Variants in DLG2 observed in about 807,000 individuals in gnomAD.
DLG2 encodes the protein discs large MAGUK scaffold protein 2.
A neutral mutation model predicts 132.5 loss-of-function variants in DLG2; 45 were observed. The ratio of observed to expected loss-of-function variants is 0.34; its 90% CI spans 0.27 to 0.44. The LOEUF (loss-of-function observed/expected upper bound fraction) is 0.44, where lower values mean the gene tolerates loss of function less well. Among genes scored for constraint, DLG2 ranks in the 20% least tolerant of loss-of-function variants. The pLI is 1.00. For synonymous variants in DLG2, 424 were observed against 419.6 expected (o/e 1.01, Z -0.13); for missense variants, 1,045 against 1,196.9 (o/e 0.87, Z 1.87).
chr11:85,125,578 A>C (rs2074988877), intron 5 of DLG2, among the ~76,000 whole-genome samples: 1 of 152,152 alleles, frequency 6.6e-6, no homozygotes, highest in African/African-American at 2.4e-5. Flanking sequence ...TATTATCAAG[A>C]GTATATTTTA....
chr11:84,215,858 A>G (rs2096829296), intron 8 of DLG2, among the ~76,000 whole-genome samples: 1 of 152,224 alleles, frequency 6.6e-6, no homozygotes, highest in Non-Finnish European at 1.5e-5. Context: ...TCTTAGAATC[A>G]GCTTATAAAT....
chr11:84,246,298 C>A (rs1034046927), intron 8 of DLG2, among the ~76,000 whole-genome samples: 21 of 152,348 alleles, frequency 1.4e-4, no homozygotes, highest in African/African-American at 4.8e-4. Flanking sequence ...TCCATCTCTT[C>A]CAGGATGTGA....
chr11:83,930,281 A>C, intron 15 of DLG2, 47 bp downstream of exon 15: 1 of 1,603,400 alleles, frequency 6.2e-7, no homozygotes, highest in Non-Finnish European at 8.5e-7. Context: ...ATCCTTGTGG[A>C]AGCACATGCA....
intron 7 of DLG2, among the ~76,000 whole-genome samples, chr11:84,308,503 A>ATG (rs1158245014): frequency 6.6e-6 from 1 of 152,196 alleles, no homozygotes; most frequent in African/African-American, 2.4e-5. Context: ...TGGATCCCGC[A>ATG]CGGGGGCCAC....
chr11:84,768,973 A>G (rs185225937), intron 6 of DLG2, among the ~76,000 whole-genome samples: 48 of 152,284 alleles, frequency 3.2e-4, no homozygotes, highest in African/African-American at 1.1e-3. Flanking sequence ...GTAGGGAAAT[A>G]CAGAAAAAGA....
chr11:85,135,921 T>G (rs2076110943), intron 5 of DLG2, among the ~76,000 whole-genome samples: 1 of 152,084 alleles, frequency 6.6e-6, no homozygotes, highest in African/African-American at 2.4e-5. Flanking sequence ...AATAGAGGCA[T>G]TTAACCCAGA....
At chr11:84,839,574 T>G (rs1217036773) in intron 6 of DLG2, among the ~76,000 whole-genome samples, 1 of 152,050 alleles carries the variant, frequency 6.6e-6, no homozygotes, top group Non-Finnish European at 1.5e-5. Flanking sequence ...GGAGGCATCA[T>G]GCAACCTGAC....
intron 3 of DLG2, among the ~76,000 whole-genome samples, chr11:85,360,897 C>T (rs1007264547): frequency 6.6e-6 from 1 of 152,030 alleles, no homozygotes; most frequent in Non-Finnish European, 1.5e-5. Flanking sequence ...AGGTCACCAA[C>T]TTATAAATGA....
At chr11:84,273,327 AAAC>A in intron 7 of DLG2, 2 of 1,384,214 alleles carry the variant, frequency 1.4e-6, no homozygotes, top group South Asian at 1.7e-5. Flanking sequence ...AAAAAAAAAA[AAAC>A]CCTGCAGATC....
chr11:85,105,032 T>G (rs367875397), intron 6 of DLG2, among the ~76,000 whole-genome samples: 10 of 151,894 alleles, frequency 6.6e-5, no homozygotes, highest in African/African-American at 2.4e-4. Flanking sequence ...AGCATAAACT[T>G]TGATGACATC....
At chr11:85,345,994 T>G (rs1324015115) in intron 3 of DLG2, among the ~76,000 whole-genome samples, 1 of 151,890 alleles carries the variant, frequency 6.6e-6, no homozygotes, top group Non-Finnish European at 1.5e-5. Flanking sequence ...CAAGAAAGAA[T>G]TCAGGGCGAG....
At chr11:84,603,001 A>G (rs2099579324) in intron 6 of DLG2, among the ~76,000 whole-genome samples, 1 of 152,030 alleles carries the variant, frequency 6.6e-6, no homozygotes, top group African/African-American at 2.4e-5. Flanking sequence ...ATTTAGAATC[A>G]AAGTCCAGCT....
chr11:84,210,274 C>G (rs1265159652), intron 8 of DLG2, among the ~76,000 whole-genome samples: 1 of 151,180 alleles, frequency 6.6e-6, no homozygotes, highest in African/African-American at 2.4e-5. Flanking sequence ...CAGAGTGATA[C>G]TCTGTCTCCA....
intron 21 of DLG2, among the ~76,000 whole-genome samples, chr11:83,494,073 T>C (rs930590616): frequency 6.6e-6 from 1 of 152,028 alleles, no homozygotes; most frequent in Non-Finnish European, 1.5e-5. Flanking sequence ...AGAGACCTGA[T>C]CTTGCCTCAT....
chr11:84,479,367 C>G (rs2099130581), intron 7 of DLG2, among the ~76,000 whole-genome samples: 1 of 152,052 alleles, frequency 6.6e-6, no homozygotes, highest in South Asian at 2.1e-4. Context: ...GTCTAATATA[C>G]CTTTTCTGAG....
Position 84,630,498 on chromosome 11 carries a change from T to C in DLG2, c.358-95767A>G, listed in dbSNP as rs183165649. On this transcript the variant is annotated intron_variant, in intron 6 of 27. Coordinates refer to ENST00000376104, the MANE Select transcript of DLG2 (RefSeq NM_001142699.3). ...ATGAGAATTTAAATGTAATTTGTTA[T>C]GTGACAAAAACAGTAACTCTTGATT... is the stretch of plus-strand genomic sequence containing the variant. Among the ~76,000 whole-genome samples the C allele has an allele frequency of 2.6e-5, 4 of 152,288 alleles. No homozygotes were observed. The East Asian group carries it at 7.7e-4, about 29-fold the overall frequency.
chr11:83,754,673 G>A (rs1388744302), intron 18 of DLG2, among the ~76,000 whole-genome samples: 1 of 151,278 alleles, frequency 6.6e-6, no homozygotes, highest in South Asian at 2.1e-4. Context: ...AAGGGTAAGA[G>A]CCTTACTTGT....
chr11:85,163,491 T>C (rs2078197448), intron 4 of DLG2, among the ~76,000 whole-genome samples: 2 of 152,164 alleles, frequency 1.3e-5, no homozygotes, highest in Admixed American at 1.3e-4. Context: ...TCATGAAGGC[T>C]TCCTGAAAGA....
chr11:83,995,652 C>T (rs1359558692), intron 11 of DLG2, among the ~76,000 whole-genome samples: 1 of 152,088 alleles, frequency 6.6e-6, no homozygotes, highest in Non-Finnish European at 1.5e-5. Flanking sequence ...ACAGAATAGA[C>T]AGCCCAGAAA....
Sources: allele counts gnomAD v4.1 joint callset (sites outside exome capture counted in the v4.1 genomes callset), GRCh38; gene constraint gnomAD v4.1.1; transcripts MANE v1.5; gene names NCBI Gene and HGNC (gene_info 2026-07-23, HGNC 2026-07-21).